CYP3A5: variants seen among roughly 807,000 people sequenced by gnomAD.
CYP3A5 encodes cytochrome P450 3A5.
CYP3A5 carries 51 observed loss-of-function variants against 55.9 expected under a neutral mutation model. The ratio of observed to expected loss-of-function variants is 0.91; its 90% CI spans 0.73 to 1.15. The LOEUF is 1.15. Ranked by LOEUF, CYP3A5 falls within the 50% of genes most tolerant of loss-of-function variation. The pLI is 0.00. For missense variants in CYP3A5, 533 were observed against 596.6 expected (o/e 0.89, Z 1.11); for synonymous variants, 196 against 213.9 (o/e 0.92, Z 0.73).
intron 1 of CYP3A5, among the ~76,000 whole-genome samples, chr7:99,678,187 T>C (rs1299087941): frequency 6.6e-6 from 1 of 152,236 alleles, no homozygotes; most frequent in Non-Finnish European, 1.5e-5. Flanking sequence ...GCCCACAACA[T>C]GGCAGACCAC....
intron 2 of CYP3A5, among the ~76,000 whole-genome samples, chr7:99,675,303 C>T (rs959434683): frequency 6.6e-6 from 1 of 152,158 alleles, no homozygotes; most frequent in Middle Eastern, 3.2e-3. Flanking sequence ...GATGTTTTAA[C>T]CATGCAAAAG....
chr7:99,666,875 G>A (rs1021481468), intron 5 of CYP3A5, 77 bp downstream of exon 5: 12 of 1,595,332 alleles, frequency 7.5e-6, no homozygotes, highest in African/African-American at 1.3e-5. Flanking sequence ...CCTTGGAAAC[G>A]GACTGTGATC....
At chr7:99,671,218 A>G (rs1251773767) in intron 4 of CYP3A5, 1 of 154,502 alleles carries the variant, frequency 6.5e-6, no homozygotes, top group Middle Eastern at 3.1e-3. Flanking sequence ...AGGGAAGCCA[A>G]AAGATTGGAC....
Position 99,666,453 on chromosome 7 carries a change from T to C in CYP3A5, c.521+148A>G, listed in dbSNP as rs922968414. On this transcript the variant is annotated intron_variant, in intron 6 of 12. Coordinates refer to ENST00000222982, the MANE Select transcript of CYP3A5 (RefSeq NM_000777.5). ...TGACTTGCCGCCTCATGGGAGCCACTCCCTCTTAGGTGGCTCTTTGGAGTT... is the reference window on the plus strand; with the variant it reads ...TGACTTGCCGCCTCATGGGAGCCACCCCCTCTTAGGTGGCTCTTTGGAGTT... The C allele has an allele frequency of 3.7e-6, 3 of 807,486 alleles. No homozygotes were observed. In the Admixed American group the frequency reaches 6.6e-5, roughly 18 times the overall value. 50.0% of individuals were successfully genotyped at this position (807,486 alleles called of 1,614,324 possible).
chr7:99,655,331 A>G (rs1809600307), intron 10 of CYP3A5, among the ~76,000 whole-genome samples: 1 of 152,236 alleles, frequency 6.6e-6, no homozygotes. Flanking sequence ...TTTATTAAAT[A>G]GGGAATCCTT....
chr7:99,660,211 C>T, intron 10 of CYP3A5: 2 of 796,376 alleles, frequency 2.5e-6, no homozygotes, highest in Non-Finnish European at 3.0e-6. Context: ...TCTCGCCACA[C>T]TCCTTTTTTT....
intron 1 of CYP3A5, among the ~76,000 whole-genome samples, chr7:99,678,282 C>T (rs41300728): frequency 0.011 from 1,618 of 152,294 alleles, 22 homozygotes; most frequent in African/African-American, 0.037. Flanking sequence ...GTGACCTCCA[C>T]GGTGGGGCCA....
chr7:99,673,628 A>G (rs1363521642), intron 3 of CYP3A5, among the ~76,000 whole-genome samples: 2 of 152,218 alleles, frequency 1.3e-5, no homozygotes, highest in Admixed American at 6.5e-5. Context: ...CTGTTTCTCT[A>G]TTATCTCTCA....
chr7:99,654,140 T>C (rs1809472394), intron 10 of CYP3A5, among the ~76,000 whole-genome samples: 1 of 152,154 alleles, frequency 6.6e-6, no homozygotes, highest in Non-Finnish European at 1.5e-5. Context: ...TGCAGGTTTG[T>C]TACATATGTA....
chr7:99,671,633 TA>T, intron 4 of CYP3A5: 5 of 566,078 alleles, frequency 8.8e-6, no homozygotes, highest in Non-Finnish European at 1.3e-5. Flanking sequence ...TTAAACTATA[TA>T]ACTCTTAGAA....
intron 4 of CYP3A5, among the ~76,000 whole-genome samples, chr7:99,670,078 G>A (rs766353931): frequency 6.6e-6 from 1 of 152,176 alleles, no homozygotes; most frequent in Non-Finnish European, 1.5e-5. Context: ...TTCCTTAAAA[G>A]TATGGATGCT....
At chr7:99,654,677 A>G (rs1809537428) in intron 10 of CYP3A5, among the ~76,000 whole-genome samples, 2 of 152,226 alleles carry the variant, frequency 1.3e-5, no homozygotes, top group Non-Finnish European at 2.9e-5. Context: ...ACAATGGTTG[A>G]ACTAGTTTAC....
rs1562992821 is a variant in CYP3A5, at chr7:99,662,037, T to C, written c.865+779A>G. Reference sequence around the variant, plus strand: ...TTTATCACAGCAAGTTTTGTTGAGATAGATAGATGATTAATTGATAAATTA... The same window carrying C: ...TTTATCACAGCAAGTTTTGTTGAGACAGATAGATGATTAATTGATAAATTA... On this transcript the variant is annotated intron_variant, in intron 9 of 12. Coordinates refer to ENST00000222982, the MANE Select transcript of CYP3A5 (RefSeq NM_000777.5). The surrounding 1 kb of genome is among the most constrained non-coding windows in gnomAD (Gnocchi z 4.3). Among the ~76,000 whole-genome samples, 1 of 152,206 alleles carries C rather than the reference T, an allele frequency of 6.6e-6. No individual in the cohort carries two copies. The highest frequency in any genetic ancestry group is 1.5e-5 in the Non-Finnish European group (1 of 68,040).
In CYP3A5 at chr7:99,655,987, G is replaced by A. The variant is rs537518887; in HGVS notation, c.1027-3208C>T. Among the ~76,000 whole-genome samples, 600 of 152,258 alleles carry A rather than the reference G, an allele frequency of 3.9e-3. 3 individuals carry two copies. The highest frequency in any genetic ancestry group is 0.013 in the African/African-American group (529 of 41,558). On this transcript the variant is annotated intron_variant, in intron 10 of 12. Transcript: ENST00000222982. Reference sequence around the variant, plus strand: ...GCTTAAGGAGATTTTGGGCTGAGACGATGGGGTTTTCTAGATATACAATCA... The same window carrying A: ...GCTTAAGGAGATTTTGGGCTGAGACAATGGGGTTTTCTAGATATACAATCA...
At chr7:99,677,205 C>T (rs998876191) in intron 1 of CYP3A5, 1 of 985,282 alleles carries the variant, frequency 1.0e-6, no homozygotes, top group African/African-American at 1.7e-5. Context: ...TCCTTGCAGA[C>T]CTTCCCCCTC....
At chr7:99,668,754 C>T (rs935160754) in intron 4 of CYP3A5, among the ~76,000 whole-genome samples, 1 of 152,202 alleles carries the variant, frequency 6.6e-6, no homozygotes, top group Admixed American at 6.5e-5. Flanking sequence ...CAAGGCAGAG[C>T]GCTGCTGTAC....
intron 12 of CYP3A5, among the ~76,000 whole-genome samples, chr7:99,649,506 C>T (rs28365088): frequency 0.027 from 4,058 of 152,216 alleles, 84 homozygotes; most frequent in Non-Finnish European, 0.042. Flanking sequence ...CCTTCATATC[C>T]ACCAGAAATG....
chr7:99,664,604 G>A (rs534335894), intron 7 of CYP3A5, among the ~76,000 whole-genome samples: 2 of 152,118 alleles, frequency 1.3e-5, no homozygotes, highest in Non-Finnish European at 2.9e-5. Context: ...GAAATCAAAA[G>A]GGCAACAAGA....
chr7:99,663,728 T>G, intron 8 of CYP3A5: 1 of 1,130,856 alleles, frequency 8.8e-7, no homozygotes, highest in Non-Finnish European at 1.1e-6. Flanking sequence ...ATCTCAATAC[T>G]GTTTATATCA....
Sources: allele counts gnomAD v4.1 joint callset (sites outside exome capture counted in the v4.1 genomes callset), GRCh38; gene constraint gnomAD v4.1.1; non-coding constraint Gnocchi (gnomAD v3.1); transcripts MANE v1.5; gene names NCBI Gene and HGNC (gene_info 2026-07-23, HGNC 2026-07-21).